FOXN3: variants seen among roughly 807,000 people sequenced by gnomAD.
The protein encoded by FOXN3 is forkhead box protein N3.
FOXN3 carries 7 observed loss-of-function variants against 38.4 expected under a neutral mutation model. The ratio of observed to expected loss-of-function variants is 0.18; its 90% CI spans 0.10 to 0.34. The LOEUF (loss-of-function observed/expected upper bound fraction) is 0.34. FOXN3 is among the 10% of genes least tolerant of loss of function. The probability of loss-of-function intolerance (pLI) is 1.00; values close to 1 mark genes in which losing one functional copy is unlikely to be tolerated. For missense variants in FOXN3, 456 were observed against 613.4 expected, an observed-to-expected ratio of 0.74 and a Z score of 2.71; for synonymous variants, 230 against 242.2, an observed-to-expected ratio of 0.95 and a Z score of 0.47.
intron 3 of FOXN3, among the ~76,000 whole-genome samples, chr14:89,345,869 T>A (rs1888745315): frequency 6.6e-6 from 1 of 152,204 alleles, no homozygotes; most frequent in Non-Finnish European, 1.5e-5. Flanking sequence ...CTGGCCAAGA[T>A]GGTGAAACCC....
intron 3 of FOXN3, among the ~76,000 whole-genome samples, chr14:89,304,915 G>A (rs943745601): frequency 1.3e-5 from 2 of 148,304 alleles, no homozygotes; most frequent in Non-Finnish European, 3.0e-5. Flanking sequence ...AGTGATCTGC[G>A]GACAAATCTG....
upstream of FOXN3, chr14:89,417,919 C>G (rs1891798478): frequency 1.2e-5 from 4 of 341,836 alleles, no homozygotes; most frequent in Non-Finnish European, 2.4e-5. Context: ...GTGGGTTGTG[C>G]GGAACGCCCC....
At chr14:89,465,214 C>T (rs1463411348) in intron 1 of FOXN3, among the ~76,000 whole-genome samples, 2 of 61,444 alleles carry the variant, frequency 3.3e-5, no homozygotes, top group South Asian at 8.2e-4. Context: ...CAGTCTCTGG[C>T]ATGTCTTTGT....
intron 5 of FOXN3, among the ~76,000 whole-genome samples, chr14:89,169,245 C>T (rs1887323427): frequency 6.6e-6 from 1 of 152,012 alleles, no homozygotes; most frequent in Admixed American, 6.6e-5. Flanking sequence ...GTTCCAAGAC[C>T]AGCCCAGCAA....
chr14:89,177,845 T>A, intron 5 of FOXN3, among the ~76,000 whole-genome samples: 1 of 152,136 alleles, frequency 6.6e-6, no homozygotes, highest in East Asian at 1.9e-4. Flanking sequence ...AAGGTGAGTT[T>A]CAGCTCCATG....
intron 2 of FOXN3, among the ~76,000 whole-genome samples, chr14:89,410,570 A>T (rs1891517000): frequency 6.6e-6 from 1 of 152,134 alleles, no homozygotes; most frequent in Non-Finnish European, 1.5e-5. Context: ...GAAACCTATT[A>T]TGTTCCTTAA....
chr14:89,297,726 C>A (rs1366311617), intron 3 of FOXN3, among the ~76,000 whole-genome samples: 1 of 152,144 alleles, frequency 6.6e-6, no homozygotes, highest in East Asian at 1.9e-4. Context: ...GCCTATAATC[C>A]CAGCATTTTG....
At chr14:89,603,598 A>G (rs1050114295) in intron 1 of FOXN3, among the ~76,000 whole-genome samples, 3 of 152,242 alleles carry the variant, frequency 2.0e-5, no homozygotes, top group African/African-American at 7.2e-5. Context: ...AGAAAGCAGG[A>G]TGTAAGTTTC....
At chr14:89,587,161 C>G (rs1895857210) in intron 1 of FOXN3, among the ~76,000 whole-genome samples, 1 of 152,232 alleles carries the variant, frequency 6.6e-6, no homozygotes, top group Admixed American at 6.5e-5. Flanking sequence ...AAAATTTCCT[C>G]TTTTTCGGGG....
At chr14:89,455,366 T>C (rs1038700362) in intron 1 of FOXN3, among the ~76,000 whole-genome samples, 1 of 152,160 alleles carries the variant, frequency 6.6e-6, no homozygotes, top group African/African-American at 2.4e-5. Context: ...CAAATACAAA[T>C]ACATTTTAGG....
chr14:89,158,603 G>A lies in FOXN3; in HGVS notation c.*3811C>T, dbSNP rs1314219831. On this transcript the variant is annotated 3_prime_UTR_variant, in exon 6 of 6. Coordinates refer to ENST00000557258, the MANE Select transcript of FOXN3 (RefSeq NM_005197.4). ...TGATTAGGGAGGGGCAGGGAAGTAG[G>A]AGCTTATGGTATATTATAAGGCTGG... The A allele has an allele frequency of 6.6e-6, 1 of 152,568 alleles. No homozygotes were observed. The highest frequency in any genetic ancestry group is 1.5e-5 in the Non-Finnish European group (1 of 68,040). 9.5% of individuals were successfully genotyped at this position (152,568 alleles called of 1,614,324 possible).
chr14:89,562,991 G>GTAC (rs1895281537), intron 1 of FOXN3, among the ~76,000 whole-genome samples: 2 of 152,202 alleles, frequency 1.3e-5, no homozygotes, highest in Non-Finnish European at 2.9e-5. Context: ...GAGAGTCTAA[G>GTAC]TACTGCACAC....
chr14:89,431,794 A>G (rs1475758319), intron 1 of FOXN3, among the ~76,000 whole-genome samples: 1 of 151,934 alleles, frequency 6.6e-6, no homozygotes, highest in Non-Finnish European at 1.5e-5. Flanking sequence ...GGCTCACTGC[A>G]ACCTCCACCT....
chr14:89,230,267 T>C (rs972743596), intron 4 of FOXN3, among the ~76,000 whole-genome samples: 7 of 152,212 alleles, frequency 4.6e-5, no homozygotes, highest in African/African-American at 1.7e-4. Context: ...ATCTAACTCA[T>C]TGGCAGGTAC....
At chr14:89,497,778 A>G (rs995932705) in intron 1 of FOXN3, among the ~76,000 whole-genome samples, 19 of 152,140 alleles carry the variant, frequency 1.2e-4, no homozygotes, top group South Asian at 1.0e-3. Context: ...GCTGGATCAT[A>G]TGGTAATTTT....
intron 1 of FOXN3, among the ~76,000 whole-genome samples, chr14:89,566,975 A>G (rs1450524224): frequency 6.6e-6 from 1 of 151,904 alleles, no homozygotes; most frequent in Non-Finnish European, 1.5e-5. Flanking sequence ...GGAGGAGAAA[A>G]GGAGGAAAAA....
intron 4 of FOXN3, among the ~76,000 whole-genome samples, chr14:89,272,992 C>G (rs1321509603): frequency 6.6e-6 from 1 of 152,234 alleles, no homozygotes; most frequent in Admixed American, 6.5e-5. Flanking sequence ...CCTGCCCCTT[C>G]CTTCTTTGTG....
intron 1 of FOXN3, among the ~76,000 whole-genome samples, chr14:89,415,922 C>T (rs1483449774): frequency 6.7e-6 from 1 of 148,890 alleles, no homozygotes. Context: ...TGTTTTGTTA[C>T]CCTCTTTATT....
At chr14:89,611,623 G>A (rs563110953) in intron 1 of FOXN3, among the ~76,000 whole-genome samples, 52 of 152,148 alleles carry the variant, frequency 3.4e-4, no homozygotes, top group South Asian at 2.5e-3. Context: ...TGGTTAACAC[G>A]GTGAAACCCC....
Sources: gnomAD v4.1 joint callset for allele counts (sites outside exome capture counted in the v4.1 genomes callset) on GRCh38, gnomAD v4.1.1 for gene constraint, MANE v1.5 for transcripts, NCBI Gene and HGNC (gene_info 2026-07-23, HGNC 2026-07-21) for gene names.